The following MCC variants were observed in gnomAD, a reference collection of about 807,000 sequenced individuals.
MCC encodes MCC regulator of Wnt signaling pathway, also known as colorectal mutant cancer protein.
In MCC, 90 loss-of-function variants were observed where a neutral mutation model predicts 116.2. That is an observed-to-expected ratio of 0.77 (90% CI 0.65 to 0.92). The LOEUF (loss-of-function observed/expected upper bound fraction) is 0.92, where lower values mean the gene tolerates loss of function less well. MCC is among the 40% of genes least tolerant of loss of function. MCC has a pLI of 0.00. For synonymous variants in MCC, 578 were observed against 510.5 expected, an observed-to-expected ratio of 1.13 and a Z score of -1.78; for missense variants, 1,516 against 1,312.2, an observed-to-expected ratio of 1.16 and a Z score of -2.40.
At chr5:113,158,110 G>T (rs1407073005) in intron 3 of MCC, among the ~76,000 whole-genome samples, 1 of 152,292 alleles carries the variant, frequency 6.6e-6, no homozygotes, top group South Asian at 2.1e-4. Flanking sequence ...AAAACAGCTT[G>T]CAATTTCAAA....
rs528718350 is a variant in MCC at position 113,039,784 on chromosome 5, C to G, written c.2756+3746G>C. Reference sequence around the variant, plus strand: ...TCCCGGCTGCCTCCCAAGAATATGACGGAGATGAACTAGTCTGCTCCTCTC... The same window carrying G: ...TCCCGGCTGCCTCCCAAGAATATGAGGGAGATGAACTAGTCTGCTCCTCTC... On this transcript the variant is annotated intron_variant, in intron 17 of 18. Coordinates refer to ENST00000408903, the MANE Select transcript of MCC (RefSeq NM_001085377.2). 8.1e-5 allele frequency among the ~76,000 whole-genome samples: 11 copies of G among 135,602 alleles called. No homozygotes were observed. The South Asian group carries it at 2.0e-3, about 25-fold the overall frequency. 89.0% of individuals were successfully genotyped at this position (135,602 alleles called of 152,430 possible).
rs116055506 is a variant in MCC at position 113,151,017 on chromosome 5, T to A, written c.741+292A>T. 9.4e-3 allele frequency among the ~76,000 whole-genome samples: 1,431 copies of A among 152,262 alleles called. 27 individuals are homozygous for A. Among genetic ancestry groups the A allele is most frequent in the African/African-American group, 0.032 (1,349 of 41,560 alleles). ...CATGATCGTGCCACCGCACTCCAGC[T>A]TGGGTGACAGAGCAAGACTCTGCCT... On this transcript the variant is annotated intron_variant, in intron 4 of 18. Transcript: ENST00000408903.
chr5:113,352,226 A>G (rs1001111771), intron 2 of MCC, among the ~76,000 whole-genome samples: 11 of 152,140 alleles, frequency 7.2e-5, no homozygotes, highest in Non-Finnish European at 1.2e-4. Context: ...TAGTCATTTA[A>G]TTGTGATGAT....
chr5:113,199,958 T>C (rs1347032131), intron 3 of MCC, among the ~76,000 whole-genome samples: 1 of 151,816 alleles, frequency 6.6e-6, no homozygotes, highest in African/African-American at 2.4e-5. Flanking sequence ...GCAACACATA[T>C]GGGTATCTGA....
intron 8 of MCC, 97 bp downstream of exon 8, chr5:113,101,642 G>T: frequency 2.4e-6 from 3 of 1,270,138 alleles, no homozygotes; most frequent in Non-Finnish European, 2.2e-6. Flanking sequence ...AATTACAAAT[G>T]CCACAAAATT....
intron 2 of MCC, among the ~76,000 whole-genome samples, chr5:113,377,179 T>C (rs551381703): frequency 6.6e-6 from 1 of 152,286 alleles, no homozygotes; most frequent in East Asian, 1.9e-4. Context: ...TTGCATTCTC[T>C]CTCACCACCT....
rs1312972135 is a variant in MCC, at chr5:113,332,585, G to C, written c.627+7934C>G. 1.4e-5 allele frequency among the ~76,000 whole-genome samples: 2 copies of C among 143,340 alleles called. 1 individual carries two copies. The highest frequency in any genetic ancestry group is 5.3e-5 in the African/African-American group (2 of 38,072). 94.0% of individuals were successfully genotyped at this position (143,340 alleles called of 152,430 possible). The stretch of plus-strand genomic sequence containing the variant: ...TCTCCAAAAAAAAAAAAAAAAAAAG[G>C]AATAGAAGAAACTAGTACATATAAA... On this transcript the variant is annotated intron_variant, in intron 3 of 18. Coordinates refer to ENST00000408903, the MANE Select transcript of MCC (RefSeq NM_001085377.2).
At chr5:113,115,077 G>A (rs1009569401) in intron 6 of MCC, among the ~76,000 whole-genome samples, 1 of 152,156 alleles carries the variant, frequency 6.6e-6, no homozygotes, top group African/African-American at 2.4e-5. Flanking sequence ...GCCCTCTGGG[G>A]CTTTGGGGGT....
intron 3 of MCC, among the ~76,000 whole-genome samples, chr5:113,339,849 G>C (rs1767967685): frequency 6.6e-6 from 1 of 152,210 alleles, no homozygotes; most frequent in African/African-American, 2.4e-5. Flanking sequence ...GTTTCAAAAA[G>C]CCAGGTAGGC....
intron 8 of MCC, among the ~76,000 whole-genome samples, chr5:113,091,620 G>A (rs1755650349): frequency 6.6e-6 from 1 of 152,126 alleles, no homozygotes; most frequent in African/African-American, 2.4e-5. Flanking sequence ...CGGTGGCTTT[G>A]GTGGTAATCC....
intron 1 of MCC, among the ~76,000 whole-genome samples, chr5:113,397,032 A>G (rs1769545354): frequency 1.3e-5 from 2 of 152,242 alleles, no homozygotes; most frequent in Admixed American, 6.5e-5. Flanking sequence ...GAAACCAGAG[A>G]GACACTGCTA....
intron 3 of MCC, among the ~76,000 whole-genome samples, chr5:113,218,143 G>A (rs1187396377): frequency 1.5e-5 from 2 of 134,426 alleles, no homozygotes; most frequent in Non-Finnish European, 3.1e-5. Context: ...GAGTGGGGGG[G>A]TGGGGGAGCC....
In MCC at chr5:113,024,970, G is replaced by A. The variant is rs1367946605; in HGVS notation, c.*2332C>T. 1 of 152,128 alleles carries A rather than the reference G, an allele frequency of 6.6e-6. No homozygotes were observed. The highest frequency in any genetic ancestry group is 1.5e-5 in the Non-Finnish European group (1 of 68,020). The allele number at this position is 152,128 out of a possible 1,614,324, so 9.4% of individuals were successfully genotyped here. ...TACTAAAACTAAGGTCAGGTAGCAT[G>A]AGTAAAACTGGGGCCCTTAACAGGA... is the stretch of plus-strand genomic sequence containing the variant. On this transcript the variant is annotated 3_prime_UTR_variant, in exon 19 of 19. Coordinates refer to ENST00000408903, the MANE Select transcript of MCC (RefSeq NM_001085377.2).
intron 3 of MCC, among the ~76,000 whole-genome samples, chr5:113,189,589 A>C (rs1213430516): frequency 2.0e-5 from 3 of 152,214 alleles, no homozygotes; most frequent in Non-Finnish European, 2.9e-5. Context: ...ACTAGGTTGC[A>C]CTATCTTACC....
intron 14 of MCC, among the ~76,000 whole-genome samples, chr5:113,057,012 T>C (rs984438465): frequency 6.6e-6 from 1 of 151,938 alleles, no homozygotes; most frequent in African/African-American, 2.4e-5. Flanking sequence ...GCCTGTGTGA[T>C]CCAGTGACAT....
chr5:113,486,798 C>T (rs897075305), intron 1 of MCC, among the ~76,000 whole-genome samples: 1 of 150,654 alleles, frequency 6.6e-6, no homozygotes, highest in African/African-American at 2.4e-5. Flanking sequence ...GCCAAGACCA[C>T]GCCACTGTAC....
At chr5:113,082,637 C>T (rs1381055299) in intron 11 of MCC, among the ~76,000 whole-genome samples, 1 of 152,244 alleles carries the variant, frequency 6.6e-6, no homozygotes, top group Non-Finnish European at 1.5e-5. Flanking sequence ...CCTTTCTAAG[C>T]ATAAGGCCCA....
chr5:113,339,226 C>CA (rs766443939), intron 3 of MCC, among the ~76,000 whole-genome samples: 5,798 of 121,978 alleles, frequency 0.048, 352 homozygotes, highest in African/African-American at 0.16. Context: ...AACTCCATCT[C>CA]AAAAAAAAAA....
chr5:113,093,434 C>G (rs1755780440), intron 8 of MCC, among the ~76,000 whole-genome samples: 1 of 151,998 alleles, frequency 6.6e-6, no homozygotes, highest in Non-Finnish European at 1.5e-5. Flanking sequence ...GCAACATAGC[C>G]AGATCCCATA....
Sources: gnomAD v4.1 joint callset for allele counts (sites outside exome capture counted in the v4.1 genomes callset) on GRCh38, gnomAD v4.1.1 for gene constraint, MANE v1.5 for transcripts, NCBI Gene and HGNC (gene_info 2026-07-23, HGNC 2026-07-21) for gene names.